The following NETO1 variants were observed in gnomAD, a reference collection of about 807,000 sequenced individuals.
The protein encoded by NETO1 is neuropilin and tolloid-like protein 1.
In NETO1, 26 loss-of-function variants were observed where a neutral mutation model predicts 61.3. That is an observed-to-expected ratio of 0.42 (90% CI 0.31 to 0.59). The LOEUF (loss-of-function observed/expected upper bound fraction) is 0.59. Ranked by LOEUF, NETO1 falls within the 20% of genes least tolerant of loss-of-function variation. The pLI is 0.12. For missense variants in NETO1, 531 were observed against 662.8 expected (o/e 0.80, Z 2.18); for synonymous variants, 225 against 225.8 (o/e 1.00, Z 0.03).
chr18:72,744,738 C>T lies in NETO1; in HGVS notation c.*3441G>A, dbSNP rs1442280471. 1 of 152,140 alleles carries T rather than the reference C, an allele frequency of 6.6e-6. No individual in the cohort carries two copies. Among genetic ancestry groups the T allele is most frequent in the Non-Finnish European group, 1.5e-5 (1 of 68,020 alleles). The allele number at this position is 152,140 out of a possible 1,614,324, so 9.4% of individuals were successfully genotyped here. A position where few individuals can be genotyped will look rare whatever the true frequency, so the allele number is the denominator to read the frequency against. ...CTCATTTTCATCAGAGATACACAAA[C>T]TTCATAAGATGCTATTATTTATTTC... On this transcript the variant is annotated 3_prime_UTR_variant, in exon 11 of 11. Transcript: ENST00000327305.
At chr18:72,777,431 C>A (rs374202813) in intron 7 of NETO1, among the ~76,000 whole-genome samples, 6 of 77,770 alleles carry the variant, frequency 7.7e-5, no homozygotes, top group African/African-American at 2.7e-4. Flanking sequence ...AAAAAAAAAA[C>A]AAAACAACAA....
At chr18:72,842,163 G>A (rs1167958058) in intron 4 of NETO1, among the ~76,000 whole-genome samples, 1 of 152,080 alleles carries the variant, frequency 6.6e-6, no homozygotes, top group African/African-American at 2.4e-5. Context: ...TGCCTGTGGG[G>A]GGAAATGTTC....
Position 72,748,107 on chromosome 18 carries a change from A to C in NETO1, c.*72T>G. On this transcript the variant is annotated 3_prime_UTR_variant, in exon 11 of 11. Coordinates refer to ENST00000327305, the MANE Select transcript of NETO1 (RefSeq NM_138966.5). Reference sequence around the variant, plus strand: ...GAATTTAGAAATATGTCCACTTTTCACAATTCACTATAGAATTTTCTTTTC... The same window carrying C: ...GAATTTAGAAATATGTCCACTTTTCCCAATTCACTATAGAATTTTCTTTTC... 1.0e-6 allele frequency: 1 copy of C among 964,356 alleles called. No individual in the cohort carries two copies. The highest frequency in any genetic ancestry group is 1.2e-6 in the Non-Finnish European group (1 of 810,352). 59.7% of individuals were successfully genotyped at this position (964,356 alleles called of 1,614,324 possible). A position where few individuals can be genotyped will look rare whatever the true frequency, so the allele number is the denominator to read the frequency against.
At chr18:72,768,280 A>T (rs1374023120) in intron 7 of NETO1, among the ~76,000 whole-genome samples, 1 of 152,090 alleles carries the variant, frequency 6.6e-6, no homozygotes, top group Non-Finnish European at 1.5e-5. Context: ...TAAATTAAAA[A>T]TAAATTCTTT....
At chr18:72,756,976 G>C (rs1275717618) in intron 7 of NETO1, among the ~76,000 whole-genome samples, 2 of 152,112 alleles carry the variant, frequency 1.3e-5, no homozygotes, top group African/African-American at 4.8e-5. Context: ...TAAGTGATCA[G>C]TCTTTATAGT....
intron 7 of NETO1, among the ~76,000 whole-genome samples, chr18:72,756,739 G>A (rs1030571219): frequency 3.3e-5 from 5 of 151,790 alleles, no homozygotes; most frequent in Admixed American, 6.6e-5. Flanking sequence ...AGCTTACTAC[G>A]CATGTATTTC....
At chr18:72,756,730 G>A (rs4892038) in intron 7 of NETO1, among the ~76,000 whole-genome samples, 105,932 of 151,824 alleles carry the variant, frequency 0.7, 37,181 homozygotes, top group Admixed American at 0.77. Flanking sequence ...GATAAAATTA[G>A]CTTACTACGC....
At chr18:72,863,048 C>T (rs1962627685) in intron 3 of NETO1, among the ~76,000 whole-genome samples, 1 of 152,252 alleles carries the variant, frequency 6.6e-6, no homozygotes, top group East Asian at 1.9e-4. Context: ...TCTTTTCCTT[C>T]AGTTGCTTCA....
At chr18:72,840,352 G>T (rs2073890661) in intron 4 of NETO1, among the ~76,000 whole-genome samples, 1 of 152,186 alleles carries the variant, frequency 6.6e-6, no homozygotes, top group Admixed American at 6.5e-5. Flanking sequence ...CTTTCCATTT[G>T]CTACATGCGG....
chr18:72,867,074 G>A (rs2074760629), intron 1 of NETO1, 190 bp downstream of exon 1: 2 of 479,076 alleles, frequency 4.2e-6, no homozygotes, highest in Non-Finnish European at 7.1e-6. Context: ...GGCGACGGCT[G>A]ACCGCGCGCC....
intron 7 of NETO1, among the ~76,000 whole-genome samples, chr18:72,771,352 C>T (rs1036226505): frequency 8.6e-5 from 13 of 152,026 alleles, no homozygotes; most frequent in South Asian, 2.1e-4. Flanking sequence ...TACAACCTTC[C>T]GTGGGTAATT....
intron 4 of NETO1, among the ~76,000 whole-genome samples, chr18:72,804,069 G>A (rs1192659022): frequency 6.6e-6 from 1 of 151,740 alleles, no homozygotes; most frequent in Non-Finnish European, 1.5e-5. Flanking sequence ...AATATAGTAT[G>A]CTATTTACCT....
intron 4 of NETO1, among the ~76,000 whole-genome samples, chr18:72,822,489 T>G (rs12956207): frequency 0.022 from 3,339 of 152,288 alleles, 42 homozygotes; most frequent in Middle Eastern, 0.065. Context: ...CGGGAGCCAT[T>G]TGCAGGGGCA....
chr18:72,835,371 G>T (rs1306187147), intron 4 of NETO1: 2 of 1,487,466 alleles, frequency 1.3e-6, no homozygotes, highest in South Asian at 1.2e-5. Flanking sequence ...TATATGATCA[G>T]GCATGAATTG....
At chr18:72,803,069 T>C (rs1452836405) in intron 4 of NETO1, among the ~76,000 whole-genome samples, 1 of 152,214 alleles carries the variant, frequency 6.6e-6, no homozygotes, top group Non-Finnish European at 1.5e-5. Context: ...TTTGGATGTT[T>C]GGCAGATATT....
At chr18:72,788,891 A>G (rs1409927980) in intron 6 of NETO1, among the ~76,000 whole-genome samples, 4 of 152,288 alleles carry the variant, frequency 2.6e-5, no homozygotes, top group Non-Finnish European at 4.4e-5. Flanking sequence ...TCAAAATGAT[A>G]TACAGAAAAT....
chr18:72,805,113 A>T (rs1412894161), intron 4 of NETO1, among the ~76,000 whole-genome samples: 2 of 152,218 alleles, frequency 1.3e-5, no homozygotes, highest in Non-Finnish European at 2.9e-5. Context: ...AAATTTAATG[A>T]GCTAACATGC....
chr18:72,818,665 T>C (rs1339787132), intron 4 of NETO1, among the ~76,000 whole-genome samples: 1 of 152,210 alleles, frequency 6.6e-6, no homozygotes, highest in Non-Finnish European at 1.5e-5. Flanking sequence ...AATCCACTGC[T>C]TATTGAGATG....
intron 7 of NETO1, among the ~76,000 whole-genome samples, chr18:72,778,598 T>A (rs1035044706): frequency 6.6e-6 from 1 of 152,182 alleles, no homozygotes; most frequent in African/African-American, 2.4e-5. Context: ...TCTTTGCCAA[T>A]TTATAACAAG....
Sources: allele counts gnomAD v4.1 joint callset (sites outside exome capture counted in the v4.1 genomes callset), GRCh38; gene constraint gnomAD v4.1.1; transcripts MANE v1.5; gene names NCBI Gene and HGNC (gene_info 2026-07-23, HGNC 2026-07-21).